BCL2L12: variants seen among roughly 807,000 people sequenced by gnomAD.
BCL2L12 encodes the protein BCL2 like 12.
BCL2L12 carries 27 observed loss-of-function variants against 25.7 expected under a neutral mutation model. That is an observed-to-expected ratio of 1.05 (90% CI 0.78 to 1.45). BCL2L12 has a LOEUF of 1.45. Among genes scored for constraint, BCL2L12 ranks in the 40% most tolerant of loss-of-function variants. BCL2L12 has a pLI of 0.00. For synonymous variants in BCL2L12, 132 were observed against 145.6 expected (o/e 0.91, Z 0.67); for missense variants, 302 against 329.8 (o/e 0.92, Z 0.65).
At chr19:49,667,290 C>G in intron 3 of BCL2L12, 129 bp downstream of exon 3, 2 of 1,263,590 alleles carry the variant, frequency 1.6e-6, no homozygotes, top group African/African-American at 1.5e-5. Context: ...ACCGTCCTGT[C>G]CTCTCCCCTC....
chr19:49,669,954 C>G (rs1038440259), intron 5 of BCL2L12, among the ~76,000 whole-genome samples: 7 of 152,170 alleles, frequency 4.6e-5, no homozygotes, highest in African/African-American at 1.4e-4. Context: ...GCTAGATTAA[C>G]TCAGTTACAG....
intron 1 of BCL2L12, 138 bp downstream of exon 1, chr19:49,666,205 G>C: frequency 8.2e-7 from 1 of 1,219,440 alleles, no homozygotes; most frequent in East Asian, 2.6e-5. Flanking sequence ...TCGGAGATTT[G>C]GAACTACACC....
upstream of BCL2L12, chr19:49,665,688 C>G: frequency 8.1e-7 from 1 of 1,233,492 alleles, no homozygotes; most frequent in Non-Finnish European, 1.1e-6. Flanking sequence ...CTTGGAGCTC[C>G]GGGTAGCTCT....
chr19:49,669,087 A>T lies in BCL2L12; in HGVS notation c.401A>T (p.Glu134Val), dbSNP rs1277046035. 1 of 1,614,070 alleles carries T rather than the reference A, an allele frequency of 6.2e-7. No homozygotes were observed. Reference sequence around the variant, plus strand: ...CTGCGGAGGCTGGTGGCCCTGCTGGAGGAGGAGGCAGAAGTCATTAACCAG... The same window carrying T: ...CTGCGGAGGCTGGTGGCCCTGCTGGTGGAGGAGGCAGAAGTCATTAACCAG... ...AILRRLVALL[E>V]EEAEVINQKL... The change falls in exon 5 of 7, where the codon GAG becomes GTG. Residue 134 changes from glutamate to valine, a missense_variant. Physicochemically the swap from Glu to Val is moderately radical, Grantham distance 121. Coordinates refer to ENST00000246784, the MANE Select transcript of BCL2L12 (RefSeq NM_138639.2).
At chr19:49,671,077 G>A (rs1353136346) in intron 6 of BCL2L12, among the ~76,000 whole-genome samples, 2 of 152,140 alleles carry the variant, frequency 1.3e-5, no homozygotes, top group African/African-American at 4.8e-5. Flanking sequence ...CATGAGAATC[G>A]CTTGAACCTG....
In BCL2L12 at chr19:49,673,800, C is replaced by T. The variant is rs532189332; in HGVS notation, c.*52C>T. 2.4e-4 allele frequency: 387 copies of T among 1,602,422 alleles called. 5 individuals carry two copies. The South Asian group carries it at 4.0e-3, about 16-fold the overall frequency. The stretch of plus-strand genomic sequence containing the variant: ...TGACACCTCATGTCCCTGCCCTCTT[C>T]GTGTGCTTTTCCAAGTCTTCCTATT... On this transcript the variant is annotated 3_prime_UTR_variant, in exon 7 of 7. Transcript: ENST00000246784.
At chr19:49,673,654 A>C in intron 6 of BCL2L12, 44 bp from the exon 7 acceptor site, 1 of 1,516,164 alleles carries the variant, frequency 6.6e-7, no homozygotes, top group African/African-American at 1.4e-5. Context: ...GTATGGGGGG[A>C]ACACCTGCCC....
At chr19:49,666,655 G>C in intron 1 of BCL2L12, 30 bp from the exon 2 acceptor site, 1 of 1,512,016 alleles carries the variant, frequency 6.6e-7, no homozygotes. Flanking sequence ...TAAACCCTTG[G>C]AGTCCAGTCC....
chr19:49,665,149 T>G, upstream of BCL2L12: 1 of 339,816 alleles, frequency 2.9e-6, no homozygotes, highest in East Asian at 5.6e-5. Context: ...CGAAAGTAAG[T>G]ATCCCCACTT....
chr19:49,667,209 A>T (rs1411329849), intron 3 of BCL2L12, 48 bp downstream of exon 3: 1 of 1,597,726 alleles, frequency 6.3e-7, no homozygotes, highest in Non-Finnish European at 8.6e-7. Flanking sequence ...ACACGGGATA[A>T]GGTGCTAGTT....
chr19:49,670,173 CG>C (rs1203358350), intron 5 of BCL2L12, 42 bp from the exon 6 acceptor site: 1 of 1,582,992 alleles, frequency 6.3e-7, no homozygotes, highest in Non-Finnish European at 8.5e-7. Context: ...TGGCTGGCCC[CG>C]GGGGCGCTGC....
rs1014467155 is a variant in BCL2L12, at chr19:49,666,114, G to A, written c.-9+47G>A. On this transcript the variant is annotated intron_variant, in intron 1 of 6. Coordinates refer to ENST00000246784, the MANE Select transcript of BCL2L12 (RefSeq NM_138639.2). ...GGTGGGGTGAGGAGGGAAGAGGAGG[G>A]GGCCGGGATCCAGTGGTGGGCACCC... The A allele has an allele frequency of 4.6e-6, 7 of 1,518,086 alleles. No individual in the cohort carries two copies. In the Middle Eastern group the frequency reaches 6.9e-4, roughly 150 times the overall value. The allele number at this position is 1,518,086 out of a possible 1,614,324, so 94.0% of individuals were successfully genotyped here.
intron 6 of BCL2L12, 52 bp from the exon 7 acceptor site, chr19:49,673,646 A>C: frequency 6.8e-7 from 1 of 1,463,658 alleles, no homozygotes; most frequent in African/African-American, 1.4e-5. Context: ...ACGCTGCTGT[A>C]TGGGGGGAAC....
intron 5 of BCL2L12, 71 bp downstream of exon 5, chr19:49,669,186 C>T: frequency 6.4e-7 from 1 of 1,574,560 alleles, no homozygotes; most frequent in Non-Finnish European, 8.6e-7. Context: ...GGATCAGAAG[C>T]TGGATCTGTA....
chr19:49,669,407 G>A (rs1035172634), intron 5 of BCL2L12, among the ~76,000 whole-genome samples: 2 of 151,926 alleles, frequency 1.3e-5, no homozygotes, highest in East Asian at 1.9e-4. Flanking sequence ...GTGGTGGTGC[G>A]CTTCTGTAAT....
upstream of BCL2L12, chr19:49,665,409 C>G (rs945865316): frequency 2.6e-4 from 48 of 182,110 alleles, no homozygotes; most frequent in Middle Eastern, 2.6e-3. Flanking sequence ...CCCTCCCTCT[C>G]TAGAACCCCC....
intron 3 of BCL2L12, 143 bp downstream of exon 3, chr19:49,667,304 A>C: frequency 8.2e-7 from 1 of 1,218,348 alleles, no homozygotes; most frequent in Non-Finnish European, 1.1e-6. Flanking sequence ...TCCCCTCCCC[A>C]GTTAGATTTC....
At chr19:49,673,481 C>G (rs189891668) in intron 6 of BCL2L12, among the ~76,000 whole-genome samples, 1 of 152,104 alleles carries the variant, frequency 6.6e-6, no homozygotes, top group African/African-American at 2.4e-5. Flanking sequence ...TGTCCTGACC[C>G]TCCTCGAGCT....
At chr19:49,673,437 ACT>A (rs1233642192) in intron 6 of BCL2L12, among the ~76,000 whole-genome samples, 1 of 150,226 alleles carries the variant, frequency 6.7e-6, no homozygotes, top group East Asian at 2.0e-4. Flanking sequence ...CCAACTCTTC[ACT>A]CTCTCTGGAT....
Sources: allele counts gnomAD v4.1 joint callset (sites outside exome capture counted in the v4.1 genomes callset), GRCh38; gene constraint gnomAD v4.1.1; transcripts MANE v1.5; gene names NCBI Gene and HGNC (gene_info 2026-07-23, HGNC 2026-07-21).